The following FGF12 variants were observed in gnomAD, a reference collection of about 807,000 sequenced individuals.
The protein encoded by FGF12 is fibroblast growth factor 12B.
A neutral mutation model predicts 23.6 loss-of-function variants in FGF12; 14 were observed. That is an observed-to-expected ratio of 0.59 (90% CI 0.39 to 0.93). The LOEUF is 0.93. Among genes scored for constraint, FGF12 ranks in the 40% least tolerant of loss-of-function variants. FGF12 has a pLI of 0.00. For synonymous variants in FGF12, 62 were observed against 77.3 expected (o/e 0.80, Z 1.04); for missense variants, 175 against 217.8 (o/e 0.80, Z 1.24).
chr3:192,512,859 T>TATATATATATATATATA (rs376386122), intron 2 of FGF12, among the ~76,000 whole-genome samples: 5 of 57,410 alleles, frequency 8.7e-5, no homozygotes, highest in African/African-American at 1.3e-4. Flanking sequence ...TATATATATA[T>TATATATATATATATATA]AACAGGCTAT....
At chr3:192,712,898 CACA>C (rs1577136537) in intron 2 of FGF12, among the ~76,000 whole-genome samples, 1 of 152,126 alleles carries the variant, frequency 6.6e-6, no homozygotes. Context: ...AAAAAGGGTG[CACA>C]TAGCACCCAG....
At chr3:192,298,046 AAG>A (rs2108656648) in intron 4 of FGF12, among the ~76,000 whole-genome samples, 1 of 152,340 alleles carries the variant, frequency 6.6e-6, no homozygotes, top group Non-Finnish European at 1.5e-5. Flanking sequence ...TGGCAAGCAC[AAG>A]TTCACTATTG....
chr3:192,516,454 C>G (rs1724670015), intron 2 of FGF12: 2 of 152,268 alleles, frequency 1.3e-5, no homozygotes, highest in Admixed American at 1.3e-4. Context: ...TGGTTTGCAT[C>G]ACACCTGTTC....
chr3:192,258,575 A>G (rs779866342), intron 4 of FGF12, among the ~76,000 whole-genome samples: 1 of 152,206 alleles, frequency 6.6e-6, no homozygotes, highest in African/African-American at 2.4e-5. Context: ...TTTCTTTAAA[A>G]TTGGAGAAGG....
chr3:192,173,443 G>T (rs1298162111), intron 4 of FGF12, among the ~76,000 whole-genome samples: 1 of 139,698 alleles, frequency 7.2e-6, no homozygotes, highest in Admixed American at 7.4e-5. Flanking sequence ...TCTCAATATT[G>T]CCAGGACAGA....
rs1474537510 is a variant in FGF12, at chr3:192,718,164, T to TC, written c.13+9016_13+9017insG. 5.3e-3 allele frequency among the ~76,000 whole-genome samples: 766 copies of TC among 143,744 alleles called. 5 individuals are homozygous for TC. Among genetic ancestry groups the TC allele is most frequent in the African/African-American group, 0.018 (686 of 38,584 alleles). The allele number at this position is 143,744 out of a possible 152,430, so 94.3% of individuals were successfully genotyped here. ...TGTCATTATTCTGTTAGTCTTTCTT[T>TC]TTTTTTTTTTTTTTTTTTTTTAGCA... On this transcript the variant is annotated intron_variant, in intron 2 of 5. Transcript: ENST00000445105.
At chr3:192,314,852 G>A (rs1716147284) in intron 4 of FGF12, among the ~76,000 whole-genome samples, 1 of 152,162 alleles carries the variant, frequency 6.6e-6, no homozygotes, top group South Asian at 2.1e-4. Context: ...AGAATTATGT[G>A]GAAGGCATGT....
intron 2 of FGF12, among the ~76,000 whole-genome samples, chr3:192,722,522 G>A (rs1411444281): frequency 6.6e-6 from 1 of 152,096 alleles, no homozygotes; most frequent in East Asian, 1.9e-4. Context: ...ATCTTCCTTG[G>A]AAATACATGT....
intron 2 of FGF12, among the ~76,000 whole-genome samples, chr3:192,706,997 A>C (rs1364248947): frequency 2.6e-5 from 4 of 152,240 alleles, no homozygotes; most frequent in Admixed American, 6.5e-5. Flanking sequence ...GAAAAGGACA[A>C]GACAGTCACA....
chr3:192,418,242 G>A (rs1038567238), intron 2 of FGF12, among the ~76,000 whole-genome samples: 1 of 152,132 alleles, frequency 6.6e-6, no homozygotes, highest in Admixed American at 6.6e-5. Flanking sequence ...ATATGTCAAT[G>A]CTTAGGCCAG....
At chr3:192,643,564 C>A (rs557532652) in intron 2 of FGF12, among the ~76,000 whole-genome samples, 2 of 152,250 alleles carry the variant, frequency 1.3e-5, no homozygotes, top group Admixed American at 1.3e-4. Flanking sequence ...TTTCCTTGTT[C>A]TTTTAAATAA....
chr3:192,455,698 T>C (rs1249116261), intron 2 of FGF12, among the ~76,000 whole-genome samples: 1 of 152,244 alleles, frequency 6.6e-6, no homozygotes, highest in East Asian at 1.9e-4. Context: ...TTTGCTCTAA[T>C]GCACTTAGTC....
intron 2 of FGF12, among the ~76,000 whole-genome samples, chr3:192,469,247 C>T (rs1487580499): frequency 6.6e-6 from 1 of 152,182 alleles, no homozygotes; most frequent in Non-Finnish European, 1.5e-5. Flanking sequence ...AAACTTAGAT[C>T]TGGTTGCTAA....
intron 2 of FGF12, among the ~76,000 whole-genome samples, chr3:192,537,839 T>C (rs1725263442): frequency 6.6e-6 from 1 of 152,116 alleles, no homozygotes; most frequent in South Asian, 2.1e-4. Context: ...TTGCCTGTGT[T>C]TGTGGGGTAT....
chr3:192,682,667 AATC>A (rs1477932898), intron 2 of FGF12, among the ~76,000 whole-genome samples: 1 of 152,170 alleles, frequency 6.6e-6, no homozygotes, highest in African/African-American at 2.4e-5. Context: ...AAATTTCCCA[AATC>A]ATCAGAGTGT....
At chr3:192,178,442 C>A (rs1279139924) in intron 4 of FGF12, among the ~76,000 whole-genome samples, 1 of 151,976 alleles carries the variant, frequency 6.6e-6, no homozygotes, top group African/African-American at 2.4e-5. Context: ...AAGCATATGC[C>A]AGATAAAAAA....
intron 2 of FGF12, among the ~76,000 whole-genome samples, chr3:192,392,596 G>GTT: frequency 4.2e-5 from 1 of 24,096 alleles, no homozygotes; most frequent in African/African-American, 4.8e-4. Context: ...AACTCCGAGA[G>GTT]AGAGAGAGAG....
At chr3:192,393,020 G>A (rs1470576835) in intron 2 of FGF12, among the ~76,000 whole-genome samples, 1 of 152,144 alleles carries the variant, frequency 6.6e-6, no homozygotes, top group African/African-American at 2.4e-5. Flanking sequence ...TTTCCCGAAG[G>A]TTCATAGTGT....
At chr3:192,559,125 G>T (rs948872139) in intron 2 of FGF12, among the ~76,000 whole-genome samples, 1 of 151,834 alleles carries the variant, frequency 6.6e-6, no homozygotes, top group Non-Finnish European at 1.5e-5. Flanking sequence ...AAAAGCTTCT[G>T]CCCAGCAAAG....
Sources: allele counts gnomAD v4.1 joint callset (sites outside exome capture counted in the v4.1 genomes callset), GRCh38; gene constraint gnomAD v4.1.1; transcripts MANE v1.5; gene names NCBI Gene and HGNC (gene_info 2026-07-23, HGNC 2026-07-21).